Variants in TLR6 observed in about 807,000 individuals in gnomAD.
The protein encoded by TLR6 is toll like receptor 6.
TLR6 carries 9 observed loss-of-function variants against 16.1 expected under a neutral mutation model. The ratio of observed to expected loss-of-function variants is 0.56; its 90% CI spans 0.34 to 0.98. The LOEUF is 0.98. Ranked by LOEUF, TLR6 falls within the 50% of genes least tolerant of loss-of-function variation. TLR6 has a pLI of 0.02. For missense variants in TLR6, 786 were observed against 921.0 expected, an observed-to-expected ratio of 0.85 and a Z score of 1.90; for synonymous variants, 340 against 338.6, an observed-to-expected ratio of 1.00 and a Z score of -0.04.
At chr4:38,842,552 C>T (rs931231147) in intron 1 of TLR6, among the ~76,000 whole-genome samples, 3 of 152,216 alleles carry the variant, frequency 2.0e-5, no homozygotes, top group Admixed American at 1.3e-4. Flanking sequence ...GAGCCAGTCT[C>T]AGAAACTCAG....
chr4:38,852,492 G>A (rs1712809376), intron 1 of TLR6, among the ~76,000 whole-genome samples: 1 of 152,092 alleles, frequency 6.6e-6, no homozygotes. Flanking sequence ...CCAACAAAGG[G>A]CTAATATCCA....
At chr4:38,856,037 G>T (rs1280354999) in intron 1 of TLR6, among the ~76,000 whole-genome samples, 1 of 152,116 alleles carries the variant, frequency 6.6e-6, no homozygotes, top group East Asian at 1.9e-4. Flanking sequence ...GTGGAGGAAA[G>T]ATCACATAAT....
the TLR6 span, among the ~76,000 whole-genome samples, chr4:38,866,203 G>A: frequency 0.63 from 94,957 of 150,940 alleles, 31,014 homozygotes; most frequent in African/African-American, 0.81. Context: ...TATTAAATAA[G>A]AAATATAGCC....
At chr4:38,848,886 C>T (rs1712648927) in intron 1 of TLR6, among the ~76,000 whole-genome samples, 1 of 152,158 alleles carries the variant, frequency 6.6e-6, no homozygotes, top group Admixed American at 6.5e-5. Flanking sequence ...ATTCACCAAC[C>T]TAGCAAGGCA....
chr4:38,862,518 T>C, the TLR6 span, among the ~76,000 whole-genome samples: 4 of 151,738 alleles, frequency 2.6e-5, no homozygotes, highest in South Asian at 4.1e-4. Context: ...TGGCCTCAAG[T>C]GATCTGCCCG....
intron 1 of TLR6, among the ~76,000 whole-genome samples, chr4:38,844,208 C>T (rs998327253): frequency 2.0e-5 from 3 of 152,118 alleles, no homozygotes; most frequent in Non-Finnish European, 4.4e-5. Context: ...CAATACTTAC[C>T]GATATGGACA....
exon 2 of TLR6, chr4:38,828,855 T>G (rs146756090): frequency 6.2e-7 from 1 of 1,613,960 alleles, no homozygotes; most frequent in South Asian, 1.1e-5. Context: ...GCGAATAAAC[T>G]AGTTGGGTGA....
intron 1 of TLR6, chr4:38,843,529 T>A (rs1023439610): frequency 6.6e-6 from 1 of 152,196 alleles, no homozygotes; most frequent in African/African-American, 2.4e-5. Context: ...TTGGAAATAG[T>A]AAAACAGGAA....
At chr4:38,842,635 G>A (rs1338647618) in intron 1 of TLR6, among the ~76,000 whole-genome samples, 5 of 151,594 alleles carry the variant, frequency 3.3e-5, no homozygotes, top group South Asian at 4.2e-4. Flanking sequence ...CCCATGGGGG[G>A]CAAAGCCAGA....
At chr4:38,862,810 T>A in the TLR6 span, among the ~76,000 whole-genome samples, 1 of 150,164 alleles carries the variant, frequency 6.7e-6, no homozygotes, top group South Asian at 2.1e-4. Context: ...TTAACCAGGA[T>A]GGTCTCGATC....
chr4:38,842,617 T>C (rs748568323), intron 1 of TLR6, among the ~76,000 whole-genome samples: 2 of 151,856 alleles, frequency 1.3e-5, no homozygotes, highest in Admixed American at 6.6e-5. Flanking sequence ...GAAAAGCATC[T>C]GTGAGCCCCC....
the TLR6 span, among the ~76,000 whole-genome samples, chr4:38,867,204 T>G: frequency 6.6e-6 from 1 of 152,218 alleles, no homozygotes; most frequent in African/African-American, 2.4e-5. Context: ...TGTCTCCGGC[T>G]TCCCCCCGCA....
intron 1 of TLR6, among the ~76,000 whole-genome samples, chr4:38,848,374 A>C (rs746839708): frequency 7.9e-5 from 12 of 152,338 alleles, no homozygotes; most frequent in Non-Finnish European, 1.5e-4. Flanking sequence ...AAATCAGAGC[A>C]CCTCTCCCAC....
chr4:38,829,019 C>A (rs982039932), exon 2 of TLR6: 9 of 1,613,982 alleles, frequency 5.6e-6, no homozygotes, highest in Non-Finnish European at 7.6e-6. Flanking sequence ...AGCACTCAAT[C>A]CCAAGAAATT....
chr4:38,828,107 T>A (rs1431946091), exon 2 of TLR6: 1 of 1,614,224 alleles, frequency 6.2e-7, no homozygotes, highest in Admixed American at 1.7e-5. Context: ...GCTGTGAAGA[T>A]CAAGTACCTT....
upstream of TLR6, among the ~76,000 whole-genome samples, chr4:38,858,887 G>GAAAGAAAGAA (rs1228149820): frequency 1.1e-4 from 5 of 44,974 alleles, no homozygotes; most frequent in South Asian, 1.3e-3. Flanking sequence ...AAGAAAGAAA[G>GAAAGAAAGAA]AGAGAAAGAA....
At chr4:38,855,310 T>C (rs1712938454) in intron 1 of TLR6, among the ~76,000 whole-genome samples, 1 of 152,074 alleles carries the variant, frequency 6.6e-6, no homozygotes, top group South Asian at 2.1e-4. Flanking sequence ...ACAAACAATG[T>C]GATGAAATAT....
chr4:38,827,497 T>G, exon 2 of TLR6: 2 of 1,614,214 alleles, frequency 1.2e-6, no homozygotes, highest in Non-Finnish European at 1.7e-6. Flanking sequence ...AAGGTACCAA[T>G]TCACTTTTCA....
At chr4:38,860,198 G>A (rs1055551286), upstream of TLR6, among the ~76,000 whole-genome samples, 2 of 152,088 alleles carry the variant, frequency 1.3e-5, no homozygotes, top group African/African-American at 2.4e-5. Context: ...TTGGCTGGGC[G>A]CAGTGGCTCA....
Sources: gnomAD v4.1 joint callset for allele counts (sites outside exome capture counted in the v4.1 genomes callset) on GRCh38, gnomAD v4.1.1 for gene constraint, MANE v1.5 for transcripts, NCBI Gene and HGNC (gene_info 2026-07-23, HGNC 2026-07-21) for gene names.